The following RIMS2 variants were observed in gnomAD, a reference collection of about 807,000 sequenced individuals.
RIMS2 encodes the protein regulating synaptic membrane exocytosis 2.
A neutral mutation model predicts 174.4 loss-of-function variants in RIMS2; 59 were observed. That is an observed-to-expected ratio of 0.34 (90% confidence interval 0.27 to 0.42). The LOEUF is 0.42. Among genes scored for constraint, RIMS2 ranks in the 10% least tolerant of loss-of-function variants. The pLI, the probability that RIMS2 is intolerant of heterozygous loss-of-function variation, is 1.00. For missense variants in RIMS2, 1,620 were observed against 1,666.3 expected (o/e 0.97, Z 0.48); for synonymous variants, 606 against 572.5 (o/e 1.06, Z -0.84).
At chr8:103,719,002 T>C (rs2097410747) in intron 2 of RIMS2, among the ~76,000 whole-genome samples, 1 of 152,064 alleles carries the variant, frequency 6.6e-6, no homozygotes, top group Admixed American at 6.6e-5. Context: ...CTAGATAGAC[T>C]GGAAAAATAT....
At chr8:104,164,022 A>T (rs1020557309) in intron 19 of RIMS2, among the ~76,000 whole-genome samples, 4 of 152,124 alleles carry the variant, frequency 2.6e-5, no homozygotes, top group Admixed American at 2.6e-4. Context: ...CTTTCAGCCA[A>T]ATCCTCCTTT....
At chr8:104,068,725 C>A in intron 19 of RIMS2, 113 bp downstream of exon 23, 1 of 602,458 alleles carries the variant, frequency 1.7e-6, no homozygotes, top group Non-Finnish European at 2.9e-6. Context: ...ATGCCATGGC[C>A]CCATGATATT....
intron 1 of RIMS2, among the ~76,000 whole-genome samples, chr8:103,624,058 C>T (rs2095713463): frequency 6.6e-6 from 1 of 152,086 alleles, no homozygotes; most frequent in South Asian, 2.1e-4. Context: ...AGGCTAAAAG[C>T]TACAAACCCA....
intron 15 of RIMS2, among the ~76,000 whole-genome samples, chr8:103,963,603 A>G (rs2090910236): frequency 6.6e-6 from 1 of 152,092 alleles, no homozygotes. Flanking sequence ...CAGATTTCCC[A>G]TATGTCTTCC....
At chr8:103,706,626 T>G (rs1481589715) in intron 2 of RIMS2, among the ~76,000 whole-genome samples, 1 of 152,284 alleles carries the variant, frequency 6.6e-6, no homozygotes, top group East Asian at 1.9e-4. Flanking sequence ...CACTTCCTCT[T>G]GGCTGCTACA....
chr8:103,853,757 C>T (rs1207401747), intron 3 of RIMS2, among the ~76,000 whole-genome samples: 4 of 152,094 alleles, frequency 2.6e-5, no homozygotes, highest in Admixed American at 1.3e-4. Flanking sequence ...TGTTTTTACA[C>T]AAGTACCATG....
At chr8:104,165,477 A>G (rs899189545) in intron 19 of RIMS2, among the ~76,000 whole-genome samples, 1 of 151,868 alleles carries the variant, frequency 6.6e-6, no homozygotes. Context: ...ATATAAATAT[A>G]CTTTTTTCTG....
Position 104,068,632 on chromosome 8 carries a change from A to T in RIMS2, c.3334+54017A>T. On this transcript the variant is annotated intron_variant, in intron 19 of 23. Coordinates refer to ENST00000504942, the Ensembl canonical transcript of RIMS2. ...TCGAAGGCAAGACATTTTTCTTTTT[A>T]AAAGTTGTAAAATAATCAATCATAT... 1 of 1,202,838 alleles carries T rather than the reference A, an allele frequency of 8.3e-7. No homozygotes were observed. Among genetic ancestry groups the T allele is most frequent in the Non-Finnish European group, 1.2e-6 (1 of 841,290 alleles). 74.5% of individuals were successfully genotyped at this position (1,202,838 alleles called of 1,614,324 possible).
At chr8:104,122,535 T>C (rs567287647) in intron 19 of RIMS2, among the ~76,000 whole-genome samples, 25 of 152,120 alleles carry the variant, frequency 1.6e-4, no homozygotes, top group Non-Finnish European at 2.6e-4. Context: ...ACTATGACTA[T>C]TGAAAAAAAG....
At chr8:103,528,606 A>G (rs1367122672) in intron 1 of RIMS2, among the ~76,000 whole-genome samples, 3 of 152,240 alleles carry the variant, frequency 2.0e-5, no homozygotes, top group Non-Finnish European at 4.4e-5. Flanking sequence ...AGCTTTCTAC[A>G]TATGGCTAGC....
intron 1 of RIMS2, among the ~76,000 whole-genome samples, chr8:103,590,045 ATTAC>A (rs1206878531): frequency 4.6e-5 from 7 of 151,408 alleles, no homozygotes; most frequent in Non-Finnish European, 8.9e-5. Flanking sequence ...ATAGTTAATA[ATTAC>A]TTAATTGTAC....
intron 2 of RIMS2, among the ~76,000 whole-genome samples, chr8:103,755,600 CT>C (rs2097984104): frequency 1.3e-5 from 2 of 152,122 alleles, no homozygotes; most frequent in African/African-American, 4.8e-5. Context: ...TCACATTGTC[CT>C]TTACTTCTTG....
intron 4 of RIMS2, among the ~76,000 whole-genome samples, chr8:103,898,021 C>A (rs1267468732): frequency 6.6e-6 from 1 of 151,586 alleles, no homozygotes; most frequent in Non-Finnish European, 1.5e-5. Flanking sequence ...ACGCGTTGTG[C>A]TTCCTTCTCA....
chr8:103,771,353 A>G (rs2098251727), intron 3 of RIMS2, among the ~76,000 whole-genome samples: 1 of 152,204 alleles, frequency 6.6e-6, no homozygotes, highest in Non-Finnish European at 1.5e-5. Context: ...GTTTAAAAAC[A>G]TTTAATTGAT....
At chr8:104,069,976 T>C (rs111553076) in intron 19 of RIMS2, among the ~76,000 whole-genome samples, 6 of 152,350 alleles carry the variant, frequency 3.9e-5, no homozygotes, top group African/African-American at 1.4e-4. Flanking sequence ...TTGTAATATT[T>C]GTGGTCTCCG....
intron 19 of RIMS2, among the ~76,000 whole-genome samples, chr8:104,186,386 C>T (rs1186468012): frequency 1.3e-5 from 2 of 151,630 alleles, no homozygotes; most frequent in African/African-American, 4.8e-5. Context: ...AGAAAAGAAA[C>T]CTCTGAATGA....
chr8:104,208,410 A>G (rs1354276226), intron 19 of RIMS2, among the ~76,000 whole-genome samples: 1 of 152,004 alleles, frequency 6.6e-6, no homozygotes, highest in African/African-American at 2.4e-5. Context: ...TCTACTAAAA[A>G]TACAAAAATT....
Position 103,892,331 on chromosome 8 carries a change from T to C in RIMS2, c.1624+6108T>C, listed in dbSNP as rs576078913. ...AATCCTTCTGTCTCAGCTCCCCAAG[T>C]AGCTGGGACCACAGGCTTTCACCAC... On this transcript the variant is annotated intron_variant, in intron 4 of 23. Transcript: ENST00000504942. Among the ~76,000 whole-genome samples the C allele has an allele frequency of 3.7e-4, 56 of 151,968 alleles. No homozygotes were observed. In the South Asian group the frequency reaches 0.011, roughly 31 times the overall value.
intron 2 of RIMS2, among the ~76,000 whole-genome samples, chr8:103,741,451 T>G (rs996191031): frequency 6.6e-6 from 1 of 152,132 alleles, no homozygotes; most frequent in Admixed American, 6.6e-5. Context: ...TTTAATTATA[T>G]ATCAGCTGAC....
Sources: gnomAD v4.1 joint callset for allele counts (sites outside exome capture counted in the v4.1 genomes callset) on GRCh38, gnomAD v4.1.1 for gene constraint, MANE v1.5 for transcripts, NCBI Gene and HGNC (gene_info 2026-07-23, HGNC 2026-07-21) for gene names.